CHRM3: variants seen among roughly 807,000 people sequenced by gnomAD.
CHRM3 encodes the protein muscarinic acetylcholine receptor M3.
In CHRM3, 11 loss-of-function variants were observed where a neutral mutation model predicts 41.8. The observed-to-expected ratio is 0.26, with a 90% confidence interval of 0.17 to 0.44. The LOEUF is 0.44. CHRM3 is among the 20% of genes least tolerant of loss of function. The pLI is 1.00. For missense variants in CHRM3, 571 were observed against 745.4 expected (o/e 0.77, Z 2.72); for synonymous variants, 297 against 301.4 (o/e 0.99, Z 0.15).
At chr1:239,646,539 A>G (rs1464400887) in intron 4 of CHRM3, among the ~76,000 whole-genome samples, 1 of 152,204 alleles carries the variant, frequency 6.6e-6, no homozygotes, top group Non-Finnish European at 1.5e-5. Flanking sequence ...ATAAAAGGTA[A>G]TATGTGGCTT....
At chr1:239,688,249 T>G (rs1213106194) in intron 5 of CHRM3, among the ~76,000 whole-genome samples, 1 of 147,904 alleles carries the variant, frequency 6.8e-6, no homozygotes, top group African/African-American at 2.5e-5. Flanking sequence ...TAATCTATTA[T>G]TAAATAATAT....
intron 3 of CHRM3, among the ~76,000 whole-genome samples, chr1:239,553,232 G>T (rs1213758325): frequency 6.6e-6 from 1 of 151,850 alleles, no homozygotes; most frequent in African/African-American, 2.4e-5. Context: ...TTTTCATGTG[G>T]GGAAATAGAG....
intron 4 of CHRM3, among the ~76,000 whole-genome samples, chr1:239,634,547 CT>C (rs530235290): frequency 8.9e-4 from 128 of 144,394 alleles, no homozygotes; most frequent in African/African-American, 1.7e-3. Context: ...ATCTTCTTTT[CT>C]TTTTTTTTTT....
chr1:239,787,879 G>C (rs962081103), intron 5 of CHRM3, among the ~76,000 whole-genome samples: 1 of 152,160 alleles, frequency 6.6e-6, no homozygotes, highest in Non-Finnish European at 1.5e-5. Context: ...TATATTTAAA[G>C]TACACTGTAA....
intron 3 of CHRM3, among the ~76,000 whole-genome samples, chr1:239,559,198 C>G (rs1660645759): frequency 6.6e-6 from 1 of 152,168 alleles, no homozygotes. Context: ...GTCATACTAG[C>G]AAAGCAGGCT....
chr1:239,469,217 T>G (rs1330995959), intron 1 of CHRM3, among the ~76,000 whole-genome samples: 1 of 152,358 alleles, frequency 6.6e-6, no homozygotes, highest in Non-Finnish European at 1.5e-5. Context: ...ATACAATCTC[T>G]GTTACAGTGC....
intron 3 of CHRM3, among the ~76,000 whole-genome samples, chr1:239,562,361 G>T (rs1161591518): frequency 2.0e-5 from 3 of 152,090 alleles, no homozygotes; most frequent in African/African-American, 7.2e-5. Context: ...TAAAGAGCTG[G>T]CTTCTGAAAG....
intron 5 of CHRM3, among the ~76,000 whole-genome samples, chr1:239,685,100 G>A (rs1240006534): frequency 6.6e-6 from 1 of 152,060 alleles, no homozygotes; most frequent in Non-Finnish European, 1.5e-5. Flanking sequence ...ATTTCACAGG[G>A]CATTTCGGCT....
chr1:239,711,606 C>T (rs1258016048), intron 5 of CHRM3, among the ~76,000 whole-genome samples: 1 of 151,866 alleles, frequency 6.6e-6, no homozygotes, highest in South Asian at 2.1e-4. Context: ...AGATCTCCTT[C>T]CACCAAACCT....
chr1:239,669,170 A>G (rs2149049179), intron 4 of CHRM3, among the ~76,000 whole-genome samples: 1 of 152,282 alleles, frequency 6.6e-6, no homozygotes, highest in African/African-American at 2.4e-5. Context: ...GCTTGGAGCC[A>G]GCGTTCCCCG....
intron 1 of CHRM3, among the ~76,000 whole-genome samples, chr1:239,491,987 G>A (rs527562060): frequency 5.3e-4 from 80 of 152,232 alleles, no homozygotes; most frequent in Non-Finnish European, 1.0e-3. Flanking sequence ...TGTATGATGT[G>A]TATTAATTTA....
intron 6 of CHRM3, among the ~76,000 whole-genome samples, chr1:239,892,255 ATATT>A (rs1678614944): frequency 6.6e-6 from 1 of 152,152 alleles, no homozygotes; most frequent in African/African-American, 2.4e-5. Flanking sequence ...TTGTTTTCCA[ATATT>A]TAATTATATA....
intron 5 of CHRM3, among the ~76,000 whole-genome samples, chr1:239,767,262 A>T (rs949239490): frequency 2.0e-5 from 3 of 152,160 alleles, no homozygotes; most frequent in Non-Finnish European, 4.4e-5. Flanking sequence ...TTGTTAATTA[A>T]ATATTAGGGT....
At chr1:239,870,188 G>A (rs930342574) in intron 6 of CHRM3, among the ~76,000 whole-genome samples, 12 of 152,112 alleles carry the variant, frequency 7.9e-5, no homozygotes, top group African/African-American at 2.9e-4. Context: ...GAAAGAATAG[G>A]CATTTTATGC....
intron 1 of CHRM3, among the ~76,000 whole-genome samples, chr1:239,394,741 A>G (rs905343682): frequency 6.6e-6 from 1 of 152,142 alleles, no homozygotes; most frequent in Admixed American, 6.5e-5. Context: ...TTCTCATTGT[A>G]CTTATTTGCC....
intron 6 of CHRM3, among the ~76,000 whole-genome samples, chr1:239,881,311 A>T (rs12727343): frequency 1.3e-5 from 2 of 149,982 alleles, no homozygotes; most frequent in Non-Finnish European, 3.0e-5. Context: ...AAAAAAGAAT[A>T]CAATCCCTGA....
intron 1 of CHRM3, among the ~76,000 whole-genome samples, chr1:239,420,461 C>T (rs554975046): frequency 3.9e-5 from 6 of 152,288 alleles, no homozygotes; most frequent in African/African-American, 1.4e-4. Context: ...GAAAGTTCCA[C>T]AAGGAGGTCC....
At chr1:239,783,187 A>G (rs139827109) in intron 5 of CHRM3, among the ~76,000 whole-genome samples, 157 of 152,112 alleles carry the variant, frequency 1.0e-3, no homozygotes, top group African/African-American at 3.5e-3. Flanking sequence ...TCATAAGTAG[A>G]TGTCAAAGTC....
chr1:239,460,109 CG>C (rs1163443130), intron 1 of CHRM3, among the ~76,000 whole-genome samples: 1 of 152,060 alleles, frequency 6.6e-6, no homozygotes, highest in African/African-American at 2.4e-5. Context: ...AATCATAGTC[CG>C]GCTCCAGAAC....
Sources: gnomAD v4.1 joint callset for allele counts (sites outside exome capture counted in the v4.1 genomes callset) on GRCh38, gnomAD v4.1.1 for gene constraint, MANE v1.5 for transcripts, NCBI Gene and HGNC (gene_info 2026-07-23, HGNC 2026-07-21) for gene names.